The following CRPPA variants were observed in gnomAD, a reference collection of about 807,000 sequenced individuals.
CRPPA encodes D-ribitol-5-phosphate cytidylyltransferase.
In CRPPA, 43 loss-of-function variants were observed where a neutral mutation model predicts 52.0. That is an observed-to-expected ratio of 0.83 (90% CI 0.65 to 1.07). The LOEUF is 1.07. Ranked by LOEUF, CRPPA falls within the 50% of genes least tolerant of loss-of-function variation. The pLI is 0.00. For synonymous variants in CRPPA, 250 were observed against 203.5 expected (o/e 1.23, Z -1.94); for missense variants, 629 against 551.7 (o/e 1.14, Z -1.40).
At chr7:16,408,904 T>G (rs1788017830) in intron 1 of CRPPA, among the ~76,000 whole-genome samples, 1 of 152,152 alleles carries the variant, frequency 6.6e-6, no homozygotes, top group African/African-American at 2.4e-5. Flanking sequence ...GAGTGGCCTC[T>G]ACAATTTTAT....
intron 3 of CRPPA, among the ~76,000 whole-genome samples, chr7:16,345,448 T>C (rs545371415): frequency 1.2e-4 from 18 of 152,210 alleles, no homozygotes; most frequent in East Asian, 7.7e-4. Context: ...AATAAGTAAA[T>C]ATAAATGATC....
At chr7:16,170,365 G>T (rs1407052354) in intron 9 of CRPPA, among the ~76,000 whole-genome samples, 4 of 152,142 alleles carry the variant, frequency 2.6e-5, no homozygotes, top group Non-Finnish European at 5.9e-5. Flanking sequence ...AGACCCTCGC[G>T]GTGAGTGTTA....
chr7:16,264,184 G>A (rs1483645958), intron 6 of CRPPA, among the ~76,000 whole-genome samples: 2 of 151,902 alleles, frequency 1.3e-5, no homozygotes, highest in African/African-American at 2.4e-5. Flanking sequence ...AATAGACAAC[G>A]CTATTAGGTT....
At chr7:16,241,973 G>GTTTTT (rs1249826023) in intron 8 of CRPPA, among the ~76,000 whole-genome samples, 5 of 106,578 alleles carry the variant, frequency 4.7e-5, no homozygotes, top group Non-Finnish European at 5.5e-5. Context: ...TTTTTTGTTG[G>GTTTTT]GGGGAGATAG....
intron 9 of CRPPA, among the ~76,000 whole-genome samples, chr7:16,142,762 A>C (rs1224732685): frequency 6.6e-6 from 1 of 152,212 alleles, no homozygotes; most frequent in Non-Finnish European, 1.5e-5. Context: ...AATTCTAATG[A>C]GGTATTAATC....
chr7:16,269,631 G>A (rs772469091), intron 6 of CRPPA: 1 of 152,138 alleles, frequency 6.6e-6, no homozygotes, highest in East Asian at 1.9e-4. Context: ...TTGGAAAGAA[G>A]TTTTCCAGTA....
chr7:16,157,183 A>T (rs1479912137), intron 9 of CRPPA, among the ~76,000 whole-genome samples: 3 of 142,608 alleles, frequency 2.1e-5, no homozygotes, highest in Non-Finnish European at 4.6e-5. Context: ...AAATGCTGCA[A>T]TTTTTTTTTT....
chr7:16,305,308 AAAAC>A (rs1223460395), intron 4 of CRPPA, among the ~76,000 whole-genome samples: 2 of 152,200 alleles, frequency 1.3e-5, no homozygotes, highest in East Asian at 1.9e-4. Flanking sequence ...GTGATACCAA[AAAAC>A]AAACAAACAA....
At chr7:16,334,229 C>T (rs1046029539) in intron 3 of CRPPA, among the ~76,000 whole-genome samples, 3 of 152,142 alleles carry the variant, frequency 2.0e-5, no homozygotes, top group Admixed American at 6.5e-5. Context: ...CAGGTGTCCT[C>T]GTTCAGGTCA....
At chr7:16,168,639 T>C (rs1403501690) in intron 9 of CRPPA, among the ~76,000 whole-genome samples, 2 of 151,780 alleles carry the variant, frequency 1.3e-5, no homozygotes, top group East Asian at 3.9e-4. Flanking sequence ...AATACATTTA[T>C]GGCCAAAACA....
chr7:16,320,666 C>T (rs1019457107), intron 3 of CRPPA, among the ~76,000 whole-genome samples: 6 of 152,160 alleles, frequency 3.9e-5, no homozygotes, highest in African/African-American at 1.4e-4. Context: ...TAGCCCCATG[C>T]TCACAATGTT....
At chr7:16,324,955 A>C (rs1785348626) in intron 3 of CRPPA, among the ~76,000 whole-genome samples, 1 of 152,228 alleles carries the variant, frequency 6.6e-6, no homozygotes, top group African/African-American at 2.4e-5. Flanking sequence ...ATTCCTGCTA[A>C]GGATGGTGCA....
chr7:16,286,036 A>AAAAAAT (rs1784424927), intron 5 of CRPPA, among the ~76,000 whole-genome samples: 7 of 18,816 alleles, frequency 3.7e-4, no homozygotes, highest in South Asian at 7.3e-4. Context: ...AAAAAAAAAA[A>AAAAAAT]AAATATAAAT....
At chr7:16,120,894 C>A (rs562777572) in intron 9 of CRPPA, among the ~76,000 whole-genome samples, 2 of 151,944 alleles carry the variant, frequency 1.3e-5, no homozygotes, top group East Asian at 3.9e-4. Flanking sequence ...TATCACAGAA[C>A]CTGGGAATGT....
intron 2 of CRPPA, among the ~76,000 whole-genome samples, chr7:16,386,650 C>G (rs550032626): frequency 4.6e-5 from 7 of 152,168 alleles, no homozygotes; most frequent in African/African-American, 1.7e-4. Flanking sequence ...GAAATGACAC[C>G]AGATGGCAAC....
chr7:16,230,162 T>C (rs1233010270), intron 8 of CRPPA, among the ~76,000 whole-genome samples: 3 of 152,156 alleles, frequency 2.0e-5, no homozygotes, highest in Non-Finnish European at 2.9e-5. Flanking sequence ...GACATTTCTG[T>C]ACCTGGATAT....
At chr7:16,289,865 T>G (rs999557318) in intron 5 of CRPPA, among the ~76,000 whole-genome samples, 12 of 152,016 alleles carry the variant, frequency 7.9e-5, no homozygotes, top group Non-Finnish European at 5.9e-5. Flanking sequence ...ACATCCAAAA[T>G]GGCAAAGAAA....
chr7:16,308,296 A>C (rs777804157), intron 4 of CRPPA, among the ~76,000 whole-genome samples: 2 of 152,192 alleles, frequency 1.3e-5, no homozygotes, highest in Non-Finnish European at 2.9e-5. Context: ...AAAAGAAAAA[A>C]GTGAATAAAC....
At chr7:16,324,600 C>G (rs1785337315) in intron 3 of CRPPA, among the ~76,000 whole-genome samples, 1 of 152,186 alleles carries the variant, frequency 6.6e-6, no homozygotes, top group Non-Finnish European at 1.5e-5. Context: ...CCCTTGCCAC[C>G]TTGAAGGCAC....
Sources: allele counts gnomAD v4.1 joint callset (sites outside exome capture counted in the v4.1 genomes callset), GRCh38; gene constraint gnomAD v4.1.1; transcripts MANE v1.5; gene names NCBI Gene and HGNC (gene_info 2026-07-23, HGNC 2026-07-21).